WDR17: variants seen among roughly 807,000 people sequenced by gnomAD.
WDR17 encodes the protein WD repeat-containing protein 17.
A neutral mutation model predicts 161.7 loss-of-function variants in WDR17; 143 were observed. The ratio of observed to expected loss-of-function variants is 0.88; its 90% CI spans 0.77 to 1.02. The LOEUF (loss-of-function observed/expected upper bound fraction) is 1.02, where lower values mean the gene tolerates loss of function less well. Ranked by LOEUF, WDR17 falls within the 50% of genes least tolerant of loss-of-function variation. The pLI is 0.00. For missense variants in WDR17, 1,469 were observed against 1,520.9 expected (o/e 0.97, Z 0.57); for synonymous variants, 517 against 515.6 (o/e 1.00, Z -0.04).
intron 22 of WDR17, among the ~76,000 whole-genome samples, chr4:176,165,748 T>C (rs1749681416): frequency 6.6e-6 from 1 of 152,194 alleles, no homozygotes; most frequent in Non-Finnish European, 1.5e-5. Context: ...ACTCATAACA[T>C]AGTATGTTAC....
At chr4:176,106,317 A>ACTAACCCC (rs1467553137) in intron 1 of WDR17, among the ~76,000 whole-genome samples, 1 of 151,940 alleles carries the variant, frequency 6.6e-6, no homozygotes, top group Non-Finnish European at 1.5e-5. Flanking sequence ...AGACTTCAGA[A>ACTAACCCC]CTAACCCCTT....
In WDR17 at chr4:176,180,831, GT is replaced by G. The variant is rs1481165660; in HGVS notation, c.*1255del. 4 of 152,178 alleles carry G rather than the reference GT, an allele frequency of 2.6e-5. No individual in the cohort carries two copies. The highest frequency in any genetic ancestry group is 9.7e-5 in the African/African-American group (4 of 41,444). 9.4% of individuals were successfully genotyped at this position (152,178 alleles called of 1,614,324 possible). The stretch of plus-strand genomic sequence containing the variant: ...ATGTTGATTTAACTTTTAAAATGTT[GT>G]TTAAAAGTGTGAAGCTATGAAAAGC... On this transcript the variant is annotated 3_prime_UTR_variant, in exon 29 of 29. Coordinates refer to ENST00000508596, the MANE Select transcript of WDR17 (RefSeq NM_181265.4).
At chr4:176,145,739 C>T (rs1386117083) in intron 11 of WDR17, among the ~76,000 whole-genome samples, 2 of 152,112 alleles carry the variant, frequency 1.3e-5, no homozygotes, top group Non-Finnish European at 2.9e-5. Flanking sequence ...ATACCATTAC[C>T]TCTGACCTAA....
intron 1 of WDR17, among the ~76,000 whole-genome samples, chr4:176,107,629 A>G (rs1304095959): frequency 6.6e-6 from 1 of 151,842 alleles, no homozygotes; most frequent in Non-Finnish European, 1.5e-5. Context: ...GACATACACT[A>G]CAACATGGAT....
chr4:176,119,961 A>T lies in WDR17; in HGVS notation c.402A>T (p.Gly134=). The T allele has an allele frequency of 6.2e-7, 1 of 1,614,062 alleles. No homozygotes were observed. The highest frequency in any genetic ancestry group is 8.5e-7 in the Non-Finnish European group (1 of 1,179,980). The change falls in exon 4 of 29, where the codon GGA becomes GGT. Residue 134 remains glycine (G), a synonymous_variant. Transcript: ENST00000508596. ...RGPLFIWTIS[G]PDSGVIVHKD... Reference sequence around the variant, plus strand: ...CACTGTTCATTTGGACCATCTCAGGACCAGATAGTGGAGTGATTGTACACA... The same window carrying T: ...CACTGTTCATTTGGACCATCTCAGGTCCAGATAGTGGAGTGATTGTACACA...
At chr4:176,129,965 AT>A (rs71597418) in intron 6 of WDR17, among the ~76,000 whole-genome samples, 1,576 of 151,760 alleles carry the variant, frequency 0.01, 35 homozygotes, top group African/African-American at 0.036. Flanking sequence ...CTTTTCTTTC[AT>A]TTTTTTTCTT....
chr4:176,138,590 A>T (rs750982000), intron 9 of WDR17, among the ~76,000 whole-genome samples: 1 of 151,854 alleles, frequency 6.6e-6, no homozygotes, highest in African/African-American at 2.4e-5. Context: ...ACAACAATTT[A>T]TTCCATAATA....
At chr4:176,176,984 A>G (rs1271566194) in intron 26 of WDR17, 74 bp from the exon 27 acceptor site, 4 of 1,001,784 alleles carry the variant, frequency 4.0e-6, no homozygotes, top group Admixed American at 3.5e-5. Context: ...CTAAAATCAC[A>G]TTTAAAGTTT....
At chr4:176,164,132 A>G (rs1354026065) in intron 22 of WDR17, among the ~76,000 whole-genome samples, 1 of 152,202 alleles carries the variant, frequency 6.6e-6, no homozygotes, top group Admixed American at 6.5e-5. Context: ...TAACACTTCT[A>G]TACTGTTTAC....
chr4:176,156,096 A>G lies in WDR17; in HGVS notation c.2478A>G (p.Ser826=). 6.2e-7 allele frequency: 1 copy of G among 1,613,736 alleles called. No individual in the cohort carries two copies. The highest frequency in any genetic ancestry group is 2.2e-5 in the East Asian group (1 of 44,824). The change falls in exon 18 of 29, where the codon TCA becomes TCG. Residue 826 remains serine (S), a synonymous_variant. Transcript: ENST00000508596. ...TATTGTAGTGGGACAAAGCCCTGTC[A>G]ATTGCACCAGGAGTCTCTGTGAAAT... is the stretch of plus-strand genomic sequence containing the variant. ...VELGEWDKAL[S]IAPGVSVKYW... is the part of the protein sequence containing the mutation.
At chr4:176,092,925 C>T (rs547908722) in intron 1 of WDR17, among the ~76,000 whole-genome samples, 29 of 152,142 alleles carry the variant, frequency 1.9e-4, no homozygotes, top group African/African-American at 6.7e-4. Flanking sequence ...GCCTGTGGTC[C>T]CAGCTACTTT....
Position 176,150,050 on chromosome 4 carries a change from T to C in WDR17, c.2055T>C (p.Ala685=), listed in dbSNP as rs778259424. ...ATTATGTCTGTTCTTCAGATTATGC[T>C]ATAGAACCAGGCACTCCTCCTCTAC... ...WEEIIGNTDY[A]IEPGTPPLLC... The change falls in exon 15 of 29, where the codon GCT becomes GCC. Residue 685 remains alanine, a synonymous_variant. Transcript: ENST00000508596. 6.8e-6 allele frequency: 11 copies of C among 1,613,864 alleles called. No homozygotes were observed. Among genetic ancestry groups the C allele is most frequent in the Admixed American group, 1.7e-5 (1 of 60,004 alleles).
chr4:176,092,828 G>A (rs896892700), intron 1 of WDR17, among the ~76,000 whole-genome samples: 4 of 152,104 alleles, frequency 2.6e-5, no homozygotes, highest in Admixed American at 6.6e-5. Context: ...GATCACTAGC[G>A]GTCAGGAGTT....
intron 9 of WDR17, among the ~76,000 whole-genome samples, chr4:176,138,731 T>C (rs1744797360): frequency 6.6e-6 from 1 of 151,858 alleles, no homozygotes; most frequent in African/African-American, 2.4e-5. Flanking sequence ...ATCTCACATA[T>C]CTGCCCACTA....
intron 17 of WDR17, among the ~76,000 whole-genome samples, chr4:176,155,716 A>AAAATATATAT (rs1554033763): frequency 8.4e-5 from 11 of 130,294 alleles, no homozygotes; most frequent in Non-Finnish European, 1.4e-4. Flanking sequence ...GACTAATTAA[A>AAAATATATAT]ATATATATAT....
intron 28 of WDR17, 140 bp from the exon 29 acceptor site, chr4:176,179,320 T>G: frequency 1.0e-6 from 1 of 987,570 alleles, no homozygotes. Context: ...AAAACTAATT[T>G]TCTCATAGTC....
At chr4:176,068,948 G>C (rs1041855016) in intron 1 of WDR17, among the ~76,000 whole-genome samples, 9 of 152,048 alleles carry the variant, frequency 5.9e-5, no homozygotes, top group Admixed American at 2.0e-4. Flanking sequence ...TTGCAACTTT[G>C]GTAATAAAAA....
At chr4:176,105,229 G>A (rs1738521023) in intron 1 of WDR17, among the ~76,000 whole-genome samples, 2 of 151,224 alleles carry the variant, frequency 1.3e-5, no homozygotes, top group South Asian at 4.2e-4. Flanking sequence ...AATATATGAA[G>A]CAAAAACTAA....
chr4:176,127,606 G>A (rs1321723418), intron 5 of WDR17, among the ~76,000 whole-genome samples: 1 of 151,988 alleles, frequency 6.6e-6, no homozygotes, highest in Non-Finnish European at 1.5e-5. Context: ...CAATAGGCAC[G>A]GAAATTGTTT....
Sources: gnomAD v4.1 joint callset for allele counts (sites outside exome capture counted in the v4.1 genomes callset) on GRCh38, gnomAD v4.1.1 for gene constraint, MANE v1.5 for transcripts, NCBI Gene and HGNC (gene_info 2026-07-23, HGNC 2026-07-21) for gene names.